The following DOP1B variants were observed in gnomAD, a reference collection of about 807,000 sequenced individuals.
The protein encoded by DOP1B is DOP1 leucine zipper like protein B.
Under a neutral mutation model 233.5 loss-of-function variants are expected in DOP1B, and 174 were observed. That is an observed-to-expected ratio of 0.75 (90% CI 0.66 to 0.85). The LOEUF (loss-of-function observed/expected upper bound fraction) is 0.85. DOP1B is among the 40% of genes least tolerant of loss of function. The pLI is 0.00. For synonymous variants in DOP1B, 1,190 were observed against 1,185.6 expected (o/e 1.00, Z -0.08); for missense variants, 2,652 against 2,846.6 (o/e 0.93, Z 1.56).
chr21:36,259,281 T>TTC (rs1175150089), intron 23 of DOP1B, among the ~76,000 whole-genome samples: 1 of 149,154 alleles, frequency 6.7e-6, no homozygotes, highest in Admixed American at 6.7e-5. Context: ...TTTTTTTTCT[T>TTC]TTTTTTTGAG....
chr21:36,188,098 A>G (rs1019009055), intron 2 of DOP1B, among the ~76,000 whole-genome samples: 16 of 152,194 alleles, frequency 1.1e-4, no homozygotes, highest in Non-Finnish European at 1.3e-4. Context: ...TAGCAGCTTT[A>G]TTGGAAGCTG....
At chr21:36,232,393 C>T (rs75936548) in intron 14 of DOP1B, among the ~76,000 whole-genome samples, 4,365 of 152,304 alleles carry the variant, frequency 0.029, 96 homozygotes, top group Non-Finnish European at 0.04. Flanking sequence ...GTCAGCAGAG[C>T]CATACTCCTC....
intron 6 of DOP1B, 101 bp from the exon 7 acceptor site, chr21:36,211,873 G>T (rs1228470333): frequency 2.6e-6 from 4 of 1,550,216 alleles, no homozygotes; most frequent in Non-Finnish European, 3.5e-6. Context: ...AGCCCATTTT[G>T]AGATAGAGCT....
chr21:36,234,783 C>T (rs547408741), intron 15 of DOP1B, among the ~76,000 whole-genome samples: 10 of 152,240 alleles, frequency 6.6e-5, no homozygotes, highest in African/African-American at 2.2e-4. Flanking sequence ...TCAAGTGATC[C>T]TCCCACCTCA....
At chr21:36,242,393 T>C (rs1349093847) in intron 18 of DOP1B, among the ~76,000 whole-genome samples, 1 of 152,102 alleles carries the variant, frequency 6.6e-6, no homozygotes, top group East Asian at 1.9e-4. Context: ...AGGTTAGGTC[T>C]CTAACTCCTG....
chr21:36,193,519 C>A (rs943000894), intron 2 of DOP1B, among the ~76,000 whole-genome samples: 15 of 152,132 alleles, frequency 9.9e-5, no homozygotes, highest in African/African-American at 3.6e-4. Context: ...TATGAGCTGC[C>A]TAGGCTTTAT....
rs374210737 is a variant in DOP1B at position 36,214,064 on chromosome 21, C to T, written c.905-17C>T. On this transcript the variant is annotated splice_polypyrimidine_tract_variant and intron_variant, in intron 7 of 36. Coordinates refer to ENST00000691173, the MANE Select transcript of DOP1B (RefSeq NM_001320714.2). ...AAGCACAGCTCTCTTTACAGCTCGG[C>T]GCTTGTTCTTTTGTAGGCTCAGACA... The T allele has an allele frequency of 6.8e-5, 107 of 1,582,226 alleles. No homozygotes were observed. The African/African-American group carries it at 1.1e-3, about 17-fold the overall frequency.
chr21:36,187,235 G>A (rs1031171506), intron 2 of DOP1B, among the ~76,000 whole-genome samples: 1 of 134,388 alleles, frequency 7.4e-6, no homozygotes, highest in Admixed American at 8.5e-5. Context: ...CCTTCCCGGG[G>A]GAGGGTGCTT....
chr21:36,242,579 C>G (rs574383788), intron 18 of DOP1B, among the ~76,000 whole-genome samples: 43 of 152,214 alleles, frequency 2.8e-4, no homozygotes, highest in African/African-American at 9.4e-4. Context: ...TTCCAAAATG[C>G]TGGGATTACA....
At chr21:36,292,707 G>A (rs907763069) in intron 36 of DOP1B, among the ~76,000 whole-genome samples, 1 of 150,850 alleles carries the variant, frequency 6.6e-6, no homozygotes, top group African/African-American at 2.4e-5. Context: ...CACCTCCCAG[G>A]TTCAAGCAAT....
chr21:36,292,076 G>A (rs762750395), intron 35 of DOP1B, 28 bp from the exon 36 acceptor site: 2 of 1,578,590 alleles, frequency 1.3e-6, no homozygotes, highest in Non-Finnish European at 8.6e-7. Context: ...CTTACCAGCA[G>A]ACCTGACCTT....
chr21:36,159,673 C>T (rs899988014), intron 1 of DOP1B, among the ~76,000 whole-genome samples: 2 of 152,226 alleles, frequency 1.3e-5, no homozygotes, highest in Non-Finnish European at 2.9e-5. Flanking sequence ...CTGCTCTTAC[C>T]TGGCTGATGC....
chr21:36,201,345 C>CTTTGTTTTTTTTTTTTTTTTTTTTTTTT (rs2066363725), intron 4 of DOP1B, among the ~76,000 whole-genome samples: 1 of 83,290 alleles, frequency 1.2e-5, no homozygotes, highest in African/African-American at 5.0e-5. Context: ...CTATTGGATT[C>CTTTGTTTTTTTTTTTTTTTTTTTTTTTT]TTTTTTTTTT....
intron 2 of DOP1B, among the ~76,000 whole-genome samples, chr21:36,195,699 A>G (rs146942634): frequency 2.0e-5 from 3 of 152,356 alleles, no homozygotes; most frequent in East Asian, 1.9e-4. Flanking sequence ...AATCAGTTCT[A>G]TTAATTTGAA....
chr21:36,275,843 G>A (rs957732386), intron 27 of DOP1B, among the ~76,000 whole-genome samples: 10 of 152,110 alleles, frequency 6.6e-5, no homozygotes, highest in Non-Finnish European at 1.5e-4. Context: ...CCTTCCGAGG[G>A]AAAGAAGCAA....
chr21:36,203,035 G>A (rs2066386912), intron 4 of DOP1B, among the ~76,000 whole-genome samples: 1 of 152,220 alleles, frequency 6.6e-6, no homozygotes, highest in Admixed American at 6.5e-5. Flanking sequence ...TTTTAAATCT[G>A]TGTGAATCAC....
At chr21:36,226,529 C>T (rs2066684660) in intron 12 of DOP1B, among the ~76,000 whole-genome samples, 1 of 151,894 alleles carries the variant, frequency 6.6e-6, no homozygotes, top group African/African-American at 2.4e-5. Flanking sequence ...GAACTCCTGA[C>T]CTCAGGCGAT....
Position 36,247,435 on chromosome 21 carries a change from T to C in DOP1B, c.4698-82T>C, listed in dbSNP as rs1313251672. The C allele has an allele frequency of 6.9e-6, 6 of 872,906 alleles. No individual in the cohort carries two copies. The East Asian group carries it at 1.3e-4, about 20-fold the overall frequency. 54.1% of individuals were successfully genotyped at this position (872,906 alleles called of 1,614,324 possible). ...GGGATGGTGATCTCTCCCTAGTTCC[T>C]GTGTTTATATATAGGATTAGAAACC... is the stretch of plus-strand genomic sequence containing the variant. On this transcript the variant is annotated intron_variant, in intron 19 of 36. Transcript: ENST00000691173.
At chr21:36,213,566 G>A (rs986843196) in intron 7 of DOP1B, among the ~76,000 whole-genome samples, 1 of 151,558 alleles carries the variant, frequency 6.6e-6, no homozygotes, top group Admixed American at 6.6e-5. Flanking sequence ...CGAGGCAGGT[G>A]GATCACCTGA....
Sources: gnomAD v4.1 joint callset for allele counts (sites outside exome capture counted in the v4.1 genomes callset) on GRCh38, gnomAD v4.1.1 for gene constraint, MANE v1.5 for transcripts, NCBI Gene and HGNC (gene_info 2026-07-23, HGNC 2026-07-21) for gene names.